INO80C: variants seen among roughly 807,000 people sequenced by gnomAD.
The protein encoded by INO80C is IES6 homolog.
In INO80C, 17 loss-of-function variants were observed where a neutral mutation model predicts 17.7. The ratio of observed to expected loss-of-function variants is 0.96; its 90% CI spans 0.66 to 1.44. The LOEUF is 1.44. INO80C is among the 40% of genes most tolerant of loss of function. The pLI, the probability that INO80C is intolerant of heterozygous loss-of-function variation, is 0.00. For synonymous variants in INO80C, 96 were observed against 95.8 expected (o/e 1.00, Z -0.01); for missense variants, 244 against 245.0 (o/e 1.00, Z 0.03).
At chr18:35,487,463 G>C (rs1209827406) in intron 1 of INO80C, 11 of 302,244 alleles carry the variant, frequency 3.6e-5, no homozygotes, top group Non-Finnish European at 4.0e-5. Context: ...AGGCAAGAGA[G>C]AGAATGAAAG....
intron 1 of INO80C, among the ~76,000 whole-genome samples, chr18:35,492,918 T>G (rs1189784130): frequency 6.6e-6 from 1 of 152,246 alleles, no homozygotes; most frequent in Non-Finnish European, 1.5e-5. Flanking sequence ...TCAGTAAAAC[T>G]GTTGCCAAAA....
chr18:35,493,220 C>T (rs1307298794), intron 1 of INO80C, among the ~76,000 whole-genome samples: 2 of 152,282 alleles, frequency 1.3e-5, no homozygotes. Flanking sequence ...CAGTGCCTGG[C>T]ATGTAGTAAA....
intron 2 of INO80C, among the ~76,000 whole-genome samples, chr18:35,479,871 T>A (rs1214421834): frequency 6.7e-6 from 1 of 149,076 alleles, no homozygotes; most frequent in Non-Finnish European, 1.5e-5. Context: ...GTATGGGTAC[T>A]CTTCTAGGTA....
chr18:35,480,641 T>A, intron 1 of INO80C, 78 bp from the exon 2 acceptor site: 1 of 1,075,406 alleles, frequency 9.3e-7, no homozygotes, highest in African/African-American at 1.5e-5. Flanking sequence ...CAACAGGGCA[T>A]ACGATGATGC....
chr18:35,478,353 G>GT lies in INO80C; in HGVS notation c.380-5_380-4insA. On this transcript the variant is annotated splice_region_variant and splice_polypyrimidine_tract_variant and intron_variant, in intron 3 of 4. Transcript: ENST00000334598. The stretch of plus-strand genomic sequence containing the variant: ...GGAGGAGCATCAATACTGAAGTCTG[G>GT]GAAAAAAAAAAAAAAAAGATAACTA... 2.0e-6 allele frequency: 3 copies of GT among 1,527,046 alleles called. No homozygotes were observed. Among genetic ancestry groups the GT allele is most frequent in the Non-Finnish European group, 2.6e-6 (3 of 1,134,614 alleles). 94.6% of individuals were successfully genotyped at this position (1,527,046 alleles called of 1,614,324 possible).
intron 3 of INO80C, 38 bp from the exon 4 acceptor site, chr18:35,478,387 T>C (rs373449126): frequency 7.1e-7 from 1 of 1,405,240 alleles, no homozygotes; most frequent in Non-Finnish European, 9.8e-7. Context: ...TAAACTGAAC[T>C]GAAAACATTC....
intron 2 of INO80C, among the ~76,000 whole-genome samples, chr18:35,480,087 A>G (rs2045787365): frequency 6.6e-6 from 1 of 152,204 alleles, no homozygotes; most frequent in Admixed American, 6.5e-5. Context: ...ACAGCACAAC[A>G]GCTTGGATTT....
intron 1 of INO80C, among the ~76,000 whole-genome samples, chr18:35,489,805 C>T (rs1362787199): frequency 1.3e-5 from 2 of 152,076 alleles, no homozygotes; most frequent in Non-Finnish European, 2.9e-5. Flanking sequence ...ATGATCTCTC[C>T]TCACTACCTT....
intron 2 of INO80C, 130 bp from the exon 3 acceptor site, chr18:35,479,541 CT>C (rs1242220354): frequency 1.4e-5 from 9 of 623,300 alleles, no homozygotes; most frequent in African/African-American, 1.1e-4. Context: ...ACCCCTGAGA[CT>C]TTTTTTAAAA....
At chr18:35,496,430 A>AGT (rs2045981973) in intron 1 of INO80C, among the ~76,000 whole-genome samples, 1 of 152,234 alleles carries the variant, frequency 6.6e-6, no homozygotes, top group African/African-American at 2.4e-5. Context: ...GTGGCTGAAC[A>AGT]GTGGGTAACT....
At chr18:35,488,749 G>GT (rs2045903377) in intron 1 of INO80C, among the ~76,000 whole-genome samples, 1 of 152,194 alleles carries the variant, frequency 6.6e-6, no homozygotes, top group Admixed American at 6.5e-5. Flanking sequence ...CAGAAAATGG[G>GT]TTTTTATTCT....
chr18:35,478,342 A>ACT lies in INO80C; in HGVS notation c.385_386dup (p.Ser129ArgfsTer57). The ACT allele has an allele frequency of 1.9e-6, 3 of 1,578,882 alleles. No homozygotes were observed. The African/African-American group carries it at 4.1e-5, about 22-fold the overall frequency. On this transcript the variant is annotated frameshift_variant, in exon 4 of 5. Coordinates refer to ENST00000334598, the MANE Select transcript of INO80C (RefSeq NM_194281.4). LOFTEE classifies it high-confidence loss of function. ...GCTTAAAGGATGGAGGAGCATCAAT[A>ACT]CTGAAGTCTGGGAAAAAAAAAAAAA...
In INO80C at chr18:35,478,351, TG is replaced by T. The variant is rs777902203; in HGVS notation, c.380-3del. Reference sequence around the variant, plus strand: ...ATGGAGGAGCATCAATACTGAAGTCTGGGAAAAAAAAAAAAAAAAGATAACT... The same window carrying T: ...ATGGAGGAGCATCAATACTGAAGTCTGGAAAAAAAAAAAAAAAAGATAACT... On this transcript the variant is annotated splice_region_variant and splice_polypyrimidine_tract_variant and intron_variant, in intron 3 of 4. Coordinates refer to ENST00000334598, the MANE Select transcript of INO80C (RefSeq NM_194281.4). 2.3e-5 allele frequency: 34 copies of T among 1,494,848 alleles called. No individual in the cohort carries two copies. The highest frequency in any genetic ancestry group is 2.9e-5 in the Non-Finnish European group (32 of 1,116,722). The allele number at this position is 1,494,848 out of a possible 1,614,324, so 92.6% of individuals were successfully genotyped here.
chr18:35,470,280 C>T (rs143601907), intron 4 of INO80C, among the ~76,000 whole-genome samples: 3 of 152,154 alleles, frequency 2.0e-5, no homozygotes, highest in Admixed American at 6.5e-5. Context: ...GGGAACCCCC[C>T]CTAAGTATTT....
Position 35,495,838 on chromosome 18 carries a change from G to C in INO80C, c.156+1881C>G, listed in dbSNP as rs555381423. Reference sequence around the variant, plus strand: ...ACATCAATATAATTTTTTTTTAAAAGCCAATTAGAAAAAAATAATTAGGCA... The same window carrying C: ...ACATCAATATAATTTTTTTTTAAAACCCAATTAGAAAAAAATAATTAGGCA... On this transcript the variant is annotated intron_variant, in intron 1 of 4. Transcript: ENST00000334598. 9.6e-4 allele frequency among the ~76,000 whole-genome samples: 146 copies of C among 151,934 alleles called. 1 individual carries two copies. The highest frequency in any genetic ancestry group is 3.3e-3 in the African/African-American group (136 of 41,458).
chr18:35,473,270 A>G (rs2045692187), intron 4 of INO80C, among the ~76,000 whole-genome samples: 2 of 152,334 alleles, frequency 1.3e-5, no homozygotes, highest in Middle Eastern at 3.4e-3. Context: ...CAACAGGCCA[A>G]ATACATGAAG....
chr18:35,488,162 G>A (rs969442433), intron 1 of INO80C, among the ~76,000 whole-genome samples: 1 of 152,220 alleles, frequency 6.6e-6, no homozygotes, highest in Non-Finnish European at 1.5e-5. Flanking sequence ...AGTGCAAGCT[G>A]TTGGTGGATC....
chr18:35,469,861 TAAAC>T lies in INO80C; in HGVS notation c.448-1123_448-1120del, dbSNP rs565141811. Among the ~76,000 whole-genome samples, 14 of 152,264 alleles carry T rather than the reference TAAAC, an allele frequency of 9.2e-5. No individual in the cohort carries two copies. The East Asian group carries it at 1.3e-3, about 15-fold the overall frequency. On this transcript the variant is annotated intron_variant, in intron 4 of 4. Transcript: ENST00000334598. ...ACAAAATGAATGACTAATGAATGAATAAACAAACAGACAATTGGGACCATCACAG... is the reference window on the plus strand; with the variant it reads ...ACAAAATGAATGACTAATGAATGAATAAACAGACAATTGGGACCATCACAG...
chr18:35,487,874 G>C (rs2045893018), intron 1 of INO80C: 1 of 152,216 alleles, frequency 6.6e-6, no homozygotes, highest in African/African-American at 2.4e-5. Flanking sequence ...TGAGGGTACA[G>C]GCATTGGATA....
Sources: allele counts gnomAD v4.1 joint callset (sites outside exome capture counted in the v4.1 genomes callset), GRCh38; gene constraint gnomAD v4.1.1; transcripts MANE v1.5; gene names NCBI Gene and HGNC (gene_info 2026-07-23, HGNC 2026-07-21).